The following ACSM4 variants were observed in gnomAD, a reference collection of about 807,000 sequenced individuals.
The protein encoded by ACSM4 is acyl-coenzyme A synthetase ACSM4, mitochondrial.
In ACSM4, 66 loss-of-function variants were observed where a neutral mutation model predicts 73.0. The ratio of observed to expected loss-of-function variants is 0.90; its 90% CI spans 0.74 to 1.11. The LOEUF (loss-of-function observed/expected upper bound fraction) is 1.11, where lower values mean the gene tolerates loss of function less well. Ranked by LOEUF, ACSM4 falls within the 50% of genes least tolerant of loss-of-function variation. The pLI is 0.00. For missense variants in ACSM4, 645 were observed against 714.4 expected, an observed-to-expected ratio of 0.90 and a Z score of 1.11; for synonymous variants, 222 against 254.0, an observed-to-expected ratio of 0.87 and a Z score of 1.20.
chr12:7,318,674 A>T (rs1007442646), intron 5 of ACSM4, among the ~76,000 whole-genome samples: 2 of 152,236 alleles, frequency 1.3e-5, no homozygotes, highest in Non-Finnish European at 2.9e-5. Context: ...GAAATCGGGC[A>T]TGCATGCCCT....
At chr12:7,310,027 A>C (rs1223928373) in intron 2 of ACSM4, among the ~76,000 whole-genome samples, 1 of 152,152 alleles carries the variant, frequency 6.6e-6, no homozygotes, top group African/African-American at 2.4e-5. Flanking sequence ...TGATTAAGTA[A>C]TCTACTGGCC....
At chr12:7,327,354 C>T (rs1368455138) in intron 12 of ACSM4, among the ~76,000 whole-genome samples, 2 of 152,138 alleles carry the variant, frequency 1.3e-5, no homozygotes, top group Admixed American at 1.3e-4. Flanking sequence ...TAGTCCCATT[C>T]TGTATGAGAA....
At chr12:7,307,489 A>G (rs1209346559) in intron 2 of ACSM4, among the ~76,000 whole-genome samples, 2 of 152,206 alleles carry the variant, frequency 1.3e-5, no homozygotes, top group African/African-American at 4.8e-5. Context: ...ATACAACAAG[A>G]AGAAAAAGTA....
chr12:7,307,993 T>C (rs993749741), intron 2 of ACSM4, among the ~76,000 whole-genome samples: 1 of 152,166 alleles, frequency 6.6e-6, no homozygotes, highest in African/African-American at 2.4e-5. Flanking sequence ...AATAGAAATT[T>C]GGAAACAACT....
chr12:7,318,009 T>G lies in ACSM4; in HGVS notation c.765-17T>G. ...GTTTATTTTTGGTCTGTTTTGTTGC[T>G]TTTTCATATCATTTAGGTATTGGCT... On this transcript the variant is annotated splice_polypyrimidine_tract_variant and intron_variant, in intron 4 of 12. Transcript: ENST00000399422. The G allele has an allele frequency of 6.2e-7, 1 of 1,609,662 alleles. No homozygotes were observed. The highest frequency in any genetic ancestry group is 8.5e-7 in the Non-Finnish European group (1 of 1,177,382).
chr12:7,313,808 T>C (rs1946403426), intron 3 of ACSM4, among the ~76,000 whole-genome samples: 1 of 151,976 alleles, frequency 6.6e-6, no homozygotes, highest in African/African-American at 2.4e-5. Flanking sequence ...GAGAATAAAA[T>C]TATGGAGTCA....
In ACSM4 at chr12:7,322,552, AG is replaced by A; in HGVS notation, c.1125+14del. The A allele has an allele frequency of 1.2e-6, 2 of 1,610,138 alleles. No individual in the cohort carries two copies. Among genetic ancestry groups the A allele is most frequent in the South Asian group, 1.1e-5 (1 of 90,598 alleles). ...GGACAGACGGAAGTGGTATATCTAA[AG>A]GGCATTTATGTTTAGTATATGTGGG... is the stretch of plus-strand genomic sequence containing the variant. On this transcript the variant is annotated intron_variant, in intron 7 of 12. Coordinates refer to ENST00000399422, the MANE Select transcript of ACSM4 (RefSeq NM_001080454.2).
chr12:7,325,931 G>A (rs1209858679), intron 11 of ACSM4, among the ~76,000 whole-genome samples: 1 of 152,022 alleles, frequency 6.6e-6, no homozygotes, highest in African/African-American at 2.4e-5. Context: ...CTTACCTCCT[G>A]TACTCACTCT....
chr12:7,323,813 T>C (rs1243280946), intron 9 of ACSM4, among the ~76,000 whole-genome samples: 1 of 152,090 alleles, frequency 6.6e-6, no homozygotes, highest in Non-Finnish European at 1.5e-5. Context: ...GTGCTAGAGG[T>C]AGAAGAGGGG....
At position 7,324,606 on chromosome 12, in the gene ACSM4, A is replaced by C. The variant is rs773645274; in HGVS notation, c.1536+8A>C. On this transcript the variant is annotated splice_region_variant and intron_variant, in intron 11 of 12. Coordinates refer to ENST00000399422, the MANE Select transcript of ACSM4 (RefSeq NM_001080454.2). ...GATCAAATCCGCGGAGAGGTAGATG[A>C]ATGTCATTTATTAAAGAAGCAACAT... is the stretch of plus-strand genomic sequence containing the variant. The C allele has an allele frequency of 6.2e-7, 1 of 1,613,174 alleles. No homozygotes were observed. The highest frequency in any genetic ancestry group is 1.1e-5 in the South Asian group (1 of 91,046).
chr12:7,308,202 C>A (rs1946371815), intron 2 of ACSM4, among the ~76,000 whole-genome samples: 1 of 152,092 alleles, frequency 6.6e-6, no homozygotes, highest in Admixed American at 6.5e-5. Flanking sequence ...ATATAAAATT[C>A]TTTTTGCATT....
chr12:7,327,132 C>T (rs1238747278), intron 12 of ACSM4, 37 bp downstream of exon 12: 2 of 1,559,352 alleles, frequency 1.3e-6, no homozygotes, highest in South Asian at 1.2e-5. Flanking sequence ...TTGGATGTTA[C>T]CAAACTAGGG....
At chr12:7,309,130 A>G (rs1294109429) in intron 2 of ACSM4, among the ~76,000 whole-genome samples, 1 of 152,240 alleles carries the variant, frequency 6.6e-6, no homozygotes, top group Non-Finnish European at 1.5e-5. Flanking sequence ...TCGGCCATGT[A>G]TGTTCTTCCC....
Position 7,305,542 on chromosome 12 carries a change from A to C in ACSM4, c.202-991A>C, listed in dbSNP as rs771078341. Reference sequence around the variant, plus strand: ...CCATAACAACCTGGGAGGTTTGCAGATGAGGAACTTGACCTCATAGAAGCT... The same window carrying C: ...CCATAACAACCTGGGAGGTTTGCAGCTGAGGAACTTGACCTCATAGAAGCT... On this transcript the variant is annotated intron_variant, in intron 1 of 12. Transcript: ENST00000399422. Among the ~76,000 whole-genome samples the C allele has an allele frequency of 5.3e-5, 8 of 152,336 alleles. No individual in the cohort carries two copies. The East Asian group carries it at 1.5e-3, about 29-fold the overall frequency.
In ACSM4 at chr12:7,318,006, T is replaced by C; in HGVS notation, c.765-20T>C. 1 of 1,609,414 alleles carries C rather than the reference T, an allele frequency of 6.2e-7. No homozygotes were observed. Among genetic ancestry groups the C allele is most frequent in the Non-Finnish European group, 8.5e-7 (1 of 1,177,238 alleles). ...TTTGTTTATTTTTGGTCTGTTTTGT[T>C]GCTTTTTCATATCATTTAGGTATTG... On this transcript the variant is annotated intron_variant, in intron 4 of 12. Coordinates refer to ENST00000399422, the MANE Select transcript of ACSM4 (RefSeq NM_001080454.2).
intron 5 of ACSM4, among the ~76,000 whole-genome samples, chr12:7,320,477 C>T (rs1396615656): frequency 6.6e-6 from 1 of 152,160 alleles, no homozygotes; most frequent in Non-Finnish European, 1.5e-5. Flanking sequence ...AAGCAATTCA[C>T]TTGTTGAATT....
chr12:7,326,175 A>G (rs144555694), intron 11 of ACSM4, among the ~76,000 whole-genome samples: 52 of 152,252 alleles, frequency 3.4e-4, no homozygotes, highest in African/African-American at 1.2e-3. Flanking sequence ...ACATAGATCA[A>G]TCCTTCCTGA....
At chr12:7,326,245 C>G (rs995024628) in intron 11 of ACSM4, among the ~76,000 whole-genome samples, 4 of 152,096 alleles carry the variant, frequency 2.6e-5, no homozygotes, top group African/African-American at 9.7e-5. Flanking sequence ...CTCTGTCACC[C>G]AGGGTGGAGT....
rs1946512674 is a variant in ACSM4, at chr12:7,327,085, A to G, written c.1646A>G (p.Tyr549Cys). 6.2e-7 allele frequency: 1 copy of G among 1,605,202 alleles called. No individual in the cohort carries two copies. The highest frequency in any genetic ancestry group is 8.5e-7 in the Non-Finnish European group (1 of 1,175,944). The change falls in exon 12 of 13, where the codon TAT (tyrosine) becomes TGT (cysteine). Residue 549 changes from tyrosine to cysteine, a missense_variant. Transcript: ENST00000399422. ...HVKKSTAPYKYPRKVEFVQEL... is the reference protein window; with the variant it reads ...HVKKSTAPYKCPRKVEFVQEL... ...AAAAAATCAACTGCACCTTACAAAT[A>G]TCCAAGAAAGGCAAGTGCTTTGCCC...
Sources: gnomAD v4.1 joint callset for allele counts (sites outside exome capture counted in the v4.1 genomes callset) on GRCh38, gnomAD v4.1.1 for gene constraint, MANE v1.5 for transcripts, NCBI Gene and HGNC (gene_info 2026-07-23, HGNC 2026-07-21) for gene names.